Variants in CAMKMT observed in about 807,000 individuals in gnomAD.
CAMKMT encodes the protein calmodulin-lysine N-methyltransferase, also known as CaM KMT.
Under a neutral mutation model 48.0 loss-of-function variants are expected in CAMKMT, and 53 were observed. That is an observed-to-expected ratio of 1.10 (90% CI 0.89 to 1.39). CAMKMT has a LOEUF of 1.39. CAMKMT is among the 40% of genes most tolerant of loss of function. The probability of loss-of-function intolerance (pLI) is 0.00; values close to 1 mark genes in which losing one functional copy is unlikely to be tolerated. For synonymous variants in CAMKMT, 165 were observed against 152.3 expected (o/e 1.08, Z -0.61); for missense variants, 428 against 402.7 (o/e 1.06, Z -0.54).
intron 3 of CAMKMT, among the ~76,000 whole-genome samples, chr2:44,627,474 T>G (rs1281057900): frequency 6.6e-6 from 1 of 152,120 alleles, no homozygotes; most frequent in Non-Finnish European, 1.5e-5. Flanking sequence ...AATTCTTCCC[T>G]TAATGCTTGA....
chr2:44,398,096 C>T (rs1387115687), intron 3 of CAMKMT, among the ~76,000 whole-genome samples: 4 of 152,114 alleles, frequency 2.6e-5, no homozygotes, highest in African/African-American at 9.7e-5. Context: ...GCATCCTTTA[C>T]AGTATTTGTC....
chr2:44,556,042 A>T (rs1050338578), intron 3 of CAMKMT, among the ~76,000 whole-genome samples: 1 of 152,126 alleles, frequency 6.6e-6, no homozygotes, highest in Non-Finnish European at 1.5e-5. Context: ...CAGAAAGGGG[A>T]ATGCAGGGTT....
intron 9 of CAMKMT, among the ~76,000 whole-genome samples, chr2:44,765,292 A>T (rs1006125914): frequency 6.6e-6 from 1 of 152,080 alleles, no homozygotes; most frequent in Non-Finnish European, 1.5e-5. Context: ...TGACTACACT[A>T]TACCTACAAC....
intron 3 of CAMKMT, among the ~76,000 whole-genome samples, chr2:44,402,127 G>A (rs1251300893): frequency 3.3e-5 from 5 of 152,092 alleles, no homozygotes; most frequent in African/African-American, 7.2e-5. Flanking sequence ...GGGCGTTCGA[G>A]ACCAGCCTGG....
chr2:44,401,327 C>T (rs1345069721), intron 3 of CAMKMT, among the ~76,000 whole-genome samples: 1 of 151,974 alleles, frequency 6.6e-6, no homozygotes, highest in Admixed American at 6.6e-5. Flanking sequence ...GGAGGTGAGG[C>T]GGGTGGATCA....
At chr2:44,660,373 C>T (rs1305323741) in intron 3 of CAMKMT, among the ~76,000 whole-genome samples, 2 of 152,188 alleles carry the variant, frequency 1.3e-5, no homozygotes, top group Non-Finnish European at 2.9e-5. Context: ...CAAGGGGATG[C>T]TCCAGGGTCT....
intron 3 of CAMKMT, among the ~76,000 whole-genome samples, chr2:44,663,957 A>T (rs1222664909): frequency 1.3e-5 from 2 of 152,152 alleles, no homozygotes; most frequent in African/African-American, 2.4e-5. Context: ...GAGAAAAAAA[A>T]ATAAAGGAGA....
At chr2:44,624,669 G>A (rs887646018) in intron 3 of CAMKMT, among the ~76,000 whole-genome samples, 2 of 152,108 alleles carry the variant, frequency 1.3e-5, no homozygotes, top group Non-Finnish European at 2.9e-5. Context: ...ATCATTTTAT[G>A]GCTGCATGGT....
intron 3 of CAMKMT, among the ~76,000 whole-genome samples, chr2:44,484,536 A>C (rs187251134): frequency 6.6e-6 from 1 of 152,116 alleles, no homozygotes; most frequent in Non-Finnish European, 1.5e-5. Flanking sequence ...AAAAAAAATC[A>C]TGGTCCTCTA....
chr2:44,501,395 G>A (rs1669999811), intron 3 of CAMKMT, among the ~76,000 whole-genome samples: 1 of 152,138 alleles, frequency 6.6e-6, no homozygotes, highest in Non-Finnish European at 1.5e-5. Context: ...GAATATAAAG[G>A]AACAATGGAG....
Position 44,514,337 on chromosome 2 carries a change from T to C in CAMKMT, c.376+124032T>C, listed in dbSNP as rs549014048. Among the ~76,000 whole-genome samples, 154 of 152,138 alleles carry C rather than the reference T, an allele frequency of 1.0e-3. 2 individuals carry two copies. The Middle Eastern group carries it at 0.037, about 37-fold the overall frequency. On this transcript the variant is annotated intron_variant, in intron 3 of 10. Coordinates refer to ENST00000378494, the MANE Select transcript of CAMKMT (RefSeq NM_024766.5). ...TGCCAGACCTTGGTGACTGACTAGA[T>C]AGAGAGGCTGATAAAGAGGTGAGCC... is the stretch of plus-strand genomic sequence containing the variant.
At position 44,631,617 on chromosome 2, in the gene CAMKMT, C is replaced by T. The variant is rs79430367; in HGVS notation, c.377-72666C>T. The T allele has an allele frequency of 1.4e-3, 713 of 494,144 alleles. 2 individuals carry two copies. The highest frequency in any genetic ancestry group is 7.1e-3 in the Middle Eastern group (25 of 3,546). 30.6% of individuals were successfully genotyped at this position (494,144 alleles called of 1,614,324 possible). A position where few individuals can be genotyped will look rare whatever the true frequency, so the allele number is the denominator to read the frequency against. The stretch of plus-strand genomic sequence containing the variant: ...CTCCCAGCTGTGTATGCATTTCTTG[C>T]GGACAGTTGTATAGTTGGGTCTTGG... On this transcript the variant is annotated intron_variant, in intron 3 of 10. Transcript: ENST00000378494.
chr2:44,620,496 T>C (rs1175346024), intron 3 of CAMKMT, among the ~76,000 whole-genome samples: 3 of 152,254 alleles, frequency 2.0e-5, no homozygotes, highest in Non-Finnish European at 4.4e-5. Context: ...ATTACACATT[T>C]ATGATTTTCA....
At chr2:44,571,190 T>G (rs897875130) in intron 3 of CAMKMT, among the ~76,000 whole-genome samples, 5 of 152,154 alleles carry the variant, frequency 3.3e-5, no homozygotes, top group South Asian at 4.1e-4. Flanking sequence ...ATTTAAGAGA[T>G]AAAATTTGAA....
chr2:44,670,591 G>T (rs1449705912), intron 3 of CAMKMT, among the ~76,000 whole-genome samples: 1 of 152,174 alleles, frequency 6.6e-6, no homozygotes, highest in Admixed American at 6.5e-5. Flanking sequence ...GTTAAAGGCT[G>T]CAGAGAGCTA....
At chr2:44,546,203 A>ACACACG (rs70937922) in intron 3 of CAMKMT, among the ~76,000 whole-genome samples, 1 of 142,398 alleles carries the variant, frequency 7.0e-6, no homozygotes, top group Non-Finnish European at 1.6e-5. Context: ...ACACACACAC[A>ACACACG]TACATGCACA....
chr2:44,613,802 G>A (rs1671723426), intron 3 of CAMKMT, among the ~76,000 whole-genome samples: 1 of 152,148 alleles, frequency 6.6e-6, no homozygotes, highest in Admixed American at 6.6e-5. Flanking sequence ...TCCTTAAAGA[G>A]TATTGGAGGA....
intron 6 of CAMKMT, among the ~76,000 whole-genome samples, chr2:44,713,732 CT>C (rs1464829405): frequency 6.6e-6 from 1 of 152,140 alleles, no homozygotes; most frequent in Non-Finnish European, 1.5e-5. Context: ...CTACCCACCC[CT>C]GGGGGAAGAA....
At chr2:44,545,814 A>G (rs1207781071) in intron 3 of CAMKMT, among the ~76,000 whole-genome samples, 1 of 151,974 alleles carries the variant, frequency 6.6e-6, no homozygotes, top group Non-Finnish European at 1.5e-5. Flanking sequence ...CCTTTGATTA[A>G]AAAATTAATT....
Sources: gnomAD v4.1 joint callset for allele counts (sites outside exome capture counted in the v4.1 genomes callset) on GRCh38, gnomAD v4.1.1 for gene constraint, MANE v1.5 for transcripts, NCBI Gene and HGNC (gene_info 2026-07-23, HGNC 2026-07-21) for gene names.